The following ENOX1 variants were observed in gnomAD, a reference collection of about 807,000 sequenced individuals.
ENOX1 encodes candidate growth-related and time keeping constitutive hydroquinone (NADH) oxidase.
ENOX1 carries 42 observed loss-of-function variants against 82.5 expected under a neutral mutation model. The ratio of observed to expected loss-of-function variants is 0.51; its 90% confidence interval spans 0.40 to 0.66. The LOEUF (loss-of-function observed/expected upper bound fraction) is 0.66, where lower values mean the gene tolerates loss of function less well. Among genes scored for constraint, ENOX1 ranks in the 30% least tolerant of loss-of-function variants. The pLI is 0.00. For missense variants in ENOX1, 608 were observed against 811.6 expected (o/e 0.75, Z 3.05); for synonymous variants, 271 against 282.2 (o/e 0.96, Z 0.40).
intron 14 of ENOX1, among the ~76,000 whole-genome samples, chr13:43,244,502 G>A (rs985650591): frequency 5.3e-5 from 8 of 152,126 alleles, no homozygotes; most frequent in Non-Finnish European, 1.2e-4. Context: ...TTTTCTGTCA[G>A]TGTTGTTGTT....
intron 2 of ENOX1, among the ~76,000 whole-genome samples, chr13:43,569,352 G>A (rs1328715827): frequency 6.6e-6 from 1 of 152,128 alleles, no homozygotes; most frequent in Non-Finnish European, 1.5e-5. Flanking sequence ...ATGGATGGTA[G>A]GTAGGTAGGT....
intron 8 of ENOX1, among the ~76,000 whole-genome samples, chr13:43,348,023 T>A (rs1320971686): frequency 6.6e-6 from 1 of 152,206 alleles, no homozygotes; most frequent in Non-Finnish European, 1.5e-5. Flanking sequence ...CTTCCATCCG[T>A]CCGTCCCCGC....
chr13:43,219,302 C>T (rs1184220610), intron 16 of ENOX1, among the ~76,000 whole-genome samples: 3 of 152,092 alleles, frequency 2.0e-5, no homozygotes, highest in Non-Finnish European at 4.4e-5. Context: ...TTGCAATACA[C>T]GTGGTTAAGG....
intron 2 of ENOX1, among the ~76,000 whole-genome samples, chr13:43,523,648 T>C (rs1218083414): frequency 6.6e-6 from 1 of 152,142 alleles, no homozygotes; most frequent in Non-Finnish European, 1.5e-5. Flanking sequence ...GTTGCTCTAG[T>C]AGAAGTGGCC....
At chr13:43,479,810 C>T (rs1321178910) in intron 3 of ENOX1, among the ~76,000 whole-genome samples, 3 of 152,224 alleles carry the variant, frequency 2.0e-5, no homozygotes, top group Admixed American at 2.0e-4. Flanking sequence ...CAGTTGCAGA[C>T]CTCCACTGCT....
At chr13:43,591,994 T>C (rs929378362) in intron 2 of ENOX1, among the ~76,000 whole-genome samples, 4 of 151,818 alleles carry the variant, frequency 2.6e-5, no homozygotes, top group African/African-American at 9.7e-5. Context: ...TGGGGGTGAC[T>C]GGAGGGCCAG....
chr13:43,439,273 C>A (rs1173483305), intron 3 of ENOX1, among the ~76,000 whole-genome samples: 1 of 151,412 alleles, frequency 6.6e-6, no homozygotes, highest in South Asian at 2.1e-4. Flanking sequence ...CACTCTGTCA[C>A]CCAGGCTGGA....
At chr13:43,642,732 T>C in intron 2 of ENOX1, among the ~76,000 whole-genome samples, 1 of 152,220 alleles carries the variant, frequency 6.6e-6, no homozygotes, top group Non-Finnish European at 1.5e-5. Context: ...TCCATGATAC[T>C]ATCTAAAAAA....
chr13:43,283,638 T>TG (rs1299313926), intron 12 of ENOX1, among the ~76,000 whole-genome samples: 3 of 150,676 alleles, frequency 2.0e-5, no homozygotes, highest in African/African-American at 7.3e-5. Flanking sequence ...TTTGTACAGA[T>TG]GGGGTCTCAG....
In ENOX1 at chr13:43,646,749, T is replaced by G. The variant is rs373869514; in HGVS notation, c.-219+20730A>C. 1.6e-3 allele frequency among the ~76,000 whole-genome samples: 246 copies of G among 152,268 alleles called. 1 individual carries two copies. The highest frequency in any genetic ancestry group is 4.7e-3 in the African/African-American group (196 of 41,564). ...TTACCCCAGGGTGACAAAAGCCAGA[T>G]AGAGTCTTGGGGCACTGAGGTGATC... On this transcript the variant is annotated intron_variant, in intron 2 of 16. Coordinates refer to ENST00000690772, the MANE Select transcript of ENOX1 (RefSeq NM_001347969.2).
chr13:43,514,815 A>G (rs553700646), intron 2 of ENOX1, among the ~76,000 whole-genome samples: 1 of 152,064 alleles, frequency 6.6e-6, no homozygotes, highest in East Asian at 1.9e-4. Context: ...TATTAGTTGG[A>G]CTGTCAAGAT....
intron 15 of ENOX1, among the ~76,000 whole-genome samples, chr13:43,225,591 T>G (rs540954353): frequency 6.6e-6 from 1 of 152,336 alleles, no homozygotes; most frequent in South Asian, 2.1e-4. Context: ...GCCATCTGGG[T>G]GGGCACAGGT....
chr13:43,359,716 A>G, intron 7 of ENOX1, 135 bp downstream of exon 7: 2 of 788,022 alleles, frequency 2.5e-6, no homozygotes, highest in East Asian at 5.3e-5. Context: ...GCCAAGGAAG[A>G]AGGCAGAATT....
chr13:43,236,639 T>A lies in ENOX1; in HGVS notation c.1711A>T (p.Ile571Leu). 1 of 1,568,562 alleles carries A rather than the reference T, an allele frequency of 6.4e-7. No individual in the cohort carries two copies. The highest frequency in any genetic ancestry group is 1.4e-5 in the African/African-American group (1 of 72,452). ...GLKSEKEALL[I>L]GIISTFLHVH... ...GAAGAAAACAGAATTTCCTTACCTA[T>A]TAGCAGAGCTTCTTTCTCTGATTTT... Residue 571 changes from isoleucine (I) to leucine (L), a missense_variant, in exon 15 of 17, where the codon ATA (isoleucine) becomes TTA (leucine). By Grantham distance (5) the Ile-to-Leu change is conservative. Coordinates refer to ENST00000690772, the MANE Select transcript of ENOX1 (RefSeq NM_001347969.2).
intron 2 of ENOX1, among the ~76,000 whole-genome samples, chr13:43,521,719 T>G (rs752919082): frequency 6.6e-6 from 1 of 152,172 alleles, no homozygotes; most frequent in Non-Finnish European, 1.5e-5. Context: ...ATAAATGTTC[T>G]AATAATGATT....
chr13:43,235,776 A>G (rs2042516496), intron 15 of ENOX1, among the ~76,000 whole-genome samples: 1 of 151,698 alleles, frequency 6.6e-6, no homozygotes, highest in Non-Finnish European at 1.5e-5. Context: ...TTTCTGCCAG[A>G]TAATGAACTG....
At chr13:43,483,708 A>G (rs999990292) in intron 3 of ENOX1, among the ~76,000 whole-genome samples, 3 of 152,222 alleles carry the variant, frequency 2.0e-5, no homozygotes, top group African/African-American at 4.8e-5. Flanking sequence ...GATGCTTGGC[A>G]TAAATTTATT....
At position 43,672,013 on chromosome 13, in the gene ENOX1, T is replaced by A. The variant is rs187040507; in HGVS notation, c.-284-4469A>T. Among the ~76,000 whole-genome samples, 8 of 152,330 alleles carry A rather than the reference T, an allele frequency of 5.3e-5. No homozygotes were observed. The East Asian group carries it at 1.4e-3, about 26-fold the overall frequency. ...TGTATTCAAAAACTATGAGAGGTGC[T>A]TTTTACCATTCATACCATTGACATC... On this transcript the variant is annotated intron_variant, in intron 1 of 16. Transcript: ENST00000690772.
intron 8 of ENOX1, among the ~76,000 whole-genome samples, chr13:43,350,533 C>T (rs1170507627): frequency 2.0e-5 from 3 of 152,334 alleles, no homozygotes; most frequent in South Asian, 2.1e-4. Context: ...GCAACCTCCA[C>T]CTCCTGGGTT....
Sources: gnomAD v4.1 joint callset for allele counts (sites outside exome capture counted in the v4.1 genomes callset) on GRCh38, gnomAD v4.1.1 for gene constraint, MANE v1.5 for transcripts, NCBI Gene and HGNC (gene_info 2026-07-23, HGNC 2026-07-21) for gene names.